The following MDGA1 variants were observed in gnomAD, a reference collection of about 807,000 sequenced individuals.
MDGA1 encodes the protein MAM domain-containing glycosylphosphatidylinositol anchor protein 1.
MDGA1 carries 54 observed loss-of-function variants against 101.5 expected under a neutral mutation model. The ratio of observed to expected loss-of-function variants is 0.53; its 90% CI spans 0.43 to 0.67. The LOEUF is 0.67. MDGA1 is among the 30% of genes least tolerant of loss of function. The pLI, the probability that MDGA1 is intolerant of heterozygous loss-of-function variation, is 0.00. For missense variants in MDGA1, 1,083 were observed against 1,323.8 expected (o/e 0.82, Z 2.82); for synonymous variants, 533 against 558.3 (o/e 0.95, Z 0.64).
chr6:37,655,945 TG>T lies in MDGA1; in HGVS notation c.383-50del. 4 of 1,515,622 alleles carry T rather than the reference TG, an allele frequency of 2.6e-6. No homozygotes were observed. Among genetic ancestry groups the T allele is most frequent in the East Asian group, 2.3e-5 (1 of 42,580 alleles). The allele number at this position is 1,515,622 out of a possible 1,614,324, so 93.9% of individuals were successfully genotyped here. ...AGTCAGGACTGGGTGACCCCAAGGT[TG>T]GGGGGCTCAGGCTCCTGGCAGCCCT... On this transcript the variant is annotated intron_variant, in intron 3 of 16. Transcript: ENST00000434837. The surrounding 1 kb of genome is among the most constrained non-coding windows in gnomAD (Gnocchi z 5.1).
intron 1 of MDGA1, among the ~76,000 whole-genome samples, chr6:37,676,073 T>C (rs1581620723): frequency 6.6e-6 from 1 of 152,318 alleles, no homozygotes; most frequent in Middle Eastern, 3.4e-3. Flanking sequence ...GCATAGTGCA[T>C]GCTGCCTAGT....
At chr6:37,670,355 T>C (rs1368161087) in intron 1 of MDGA1, among the ~76,000 whole-genome samples, 2 of 152,102 alleles carry the variant, frequency 1.3e-5, no homozygotes, top group African/African-American at 4.8e-5. Context: ...CGGGTAGGGA[T>C]GTTTCATGAA....
At chr6:37,684,102 G>C (rs1205135384) in intron 1 of MDGA1, among the ~76,000 whole-genome samples, 20 of 152,230 alleles carry the variant, frequency 1.3e-4, no homozygotes, top group Non-Finnish European at 1.5e-5. Context: ...CAACCAACCT[G>C]TGCCATCGGG....
rs749447942 is a variant in MDGA1 at position 37,655,659 on chromosome 6, CAGG to C, written c.579+38_579+40del. 107 of 1,496,048 alleles carry C rather than the reference CAGG, an allele frequency of 7.2e-5. No individual in the cohort carries two copies. The highest frequency in any genetic ancestry group is 9.0e-5 in the Non-Finnish European group (100 of 1,106,064). The allele number at this position is 1,496,048 out of a possible 1,614,324, so 92.7% of individuals were successfully genotyped here. On this transcript the variant is annotated intron_variant, in intron 4 of 16. Transcript: ENST00000434837. The surrounding 1 kb of genome is among the most constrained non-coding windows in gnomAD (Gnocchi z 5.1). ...CCATGCCCCCCTCCCCTGTTGGATG[CAGG>C]AGAAGTGGTATGGGGCGAGCCAGCT...
chr6:37,651,954 T>A lies in MDGA1; in HGVS notation c.1312+57A>T, dbSNP rs1025390271. ...AAGCCGTTGCCTCCCCACTACCTCC[T>A]GTCTGTGGGCCTCTCCACCCCCCTC... On this transcript the variant is annotated intron_variant, in intron 7 of 16. Coordinates refer to ENST00000434837, the MANE Select transcript of MDGA1 (RefSeq NM_153487.4). 19 of 1,403,474 alleles carry A rather than the reference T, an allele frequency of 1.4e-5. No homozygotes were observed. The East Asian group carries it at 2.7e-4, about 20-fold the overall frequency. 86.9% of individuals were successfully genotyped at this position (1,403,474 alleles called of 1,614,324 possible).
chr6:37,638,389 C>T lies in MDGA1; in HGVS notation c.2668-76G>A. The T allele has an allele frequency of 6.6e-7, 1 of 1,505,058 alleles. No individual in the cohort carries two copies. The highest frequency in any genetic ancestry group is 9.1e-7 in the Non-Finnish European group (1 of 1,103,896). The allele number at this position is 1,505,058 out of a possible 1,614,324, so 93.2% of individuals were successfully genotyped here. A position where few individuals can be genotyped will look rare whatever the true frequency, so the allele number is the denominator to read the frequency against. ...GTACCAGAGTGCTCCCTCGACCCCA[C>T]CTTTCCCCTTAATCTACCTGGAAGT... On this transcript the variant is annotated intron_variant, in intron 15 of 16. Coordinates refer to ENST00000434837, the MANE Select transcript of MDGA1 (RefSeq NM_153487.4). The surrounding 1 kb of genome is among the most constrained non-coding windows in gnomAD (Gnocchi z 4.8).
At chr6:37,659,890 C>T (rs577861708) in intron 2 of MDGA1, among the ~76,000 whole-genome samples, 14 of 152,096 alleles carry the variant, frequency 9.2e-5, no homozygotes, top group African/African-American at 3.1e-4. Context: ...ACATTTGATC[C>T]TTTTGTACTT....
In MDGA1 at chr6:37,658,433, CG is replaced by C. The variant is rs753176130; in HGVS notation, c.208-15del. On this transcript the variant is annotated splice_polypyrimidine_tract_variant and intron_variant, in intron 2 of 16. Coordinates refer to ENST00000434837, the MANE Select transcript of MDGA1 (RefSeq NM_153487.4). The stretch of plus-strand genomic sequence containing the variant: ...GGTCCACCGTACCTGGGCCGCCAGG[CG>C]GGGCAGAGTCAGACTGTCAGACTCA... The C allele has an allele frequency of 2.5e-6, 4 of 1,596,482 alleles. No homozygotes were observed. The highest frequency in any genetic ancestry group is 2.6e-6 in the Non-Finnish European group (3 of 1,171,318).
rs369639238 is a variant in MDGA1 at position 37,643,891 on chromosome 6, T to C, written c.2454A>G (p.Ala818=). ...CATTGTAGAGGGGACTCACTAACCT[T>C]GCACGGTCCCCCAGCTCCCGAGGCC... ...TSRPRELGDR[A]RLVSPLYNAS... is the part of the protein sequence containing the mutation. The change falls in exon 14 of 17, where the codon GCA becomes GCG. Residue 818 remains alanine, a synonymous_variant. Coordinates refer to ENST00000434837, the MANE Select transcript of MDGA1 (RefSeq NM_153487.4). 20 of 1,613,830 alleles carry C rather than the reference T, an allele frequency of 1.2e-5. No homozygotes were observed. The highest frequency in any genetic ancestry group is 1.6e-5 in the Non-Finnish European group (19 of 1,179,870).
chr6:37,664,081 A>C lies in MDGA1; in HGVS notation c.93T>G (p.His31Gln). Residue 31 changes from histidine to glutamine, a missense_variant, in exon 2 of 17, where the codon CAT (histidine) becomes CAG (glutamine). Transcript: ENST00000434837. ...VYAPAQAQIV[H>Q]AGQACVVKED... is the part of the protein sequence containing the mutation. Reference sequence around the variant, plus strand: ...CTTTCACCACACATGCCTGGCCCGCATGCACGATCTGCGCCTGGGCTGGAG... The same window carrying C: ...CTTTCACCACACATGCCTGGCCCGCCTGCACGATCTGCGCCTGGGCTGGAG... 6.2e-7 allele frequency: 1 copy of C among 1,613,854 alleles called. No homozygotes were observed. Among genetic ancestry groups the C allele is most frequent in the South Asian group, 1.1e-5 (1 of 91,068 alleles).
chr6:37,674,404 C>T (rs941206028), intron 1 of MDGA1, among the ~76,000 whole-genome samples: 2 of 152,222 alleles, frequency 1.3e-5, no homozygotes, highest in African/African-American at 4.8e-5. Context: ...GGGCCTTGTT[C>T]CATTTGCAGA....
chr6:37,685,043 T>A (rs1762170336), intron 1 of MDGA1, among the ~76,000 whole-genome samples: 1 of 152,178 alleles, frequency 6.6e-6, no homozygotes, highest in Admixed American at 6.5e-5. Context: ...GGCTCATACT[T>A]GTAATCTGAG....
Position 37,638,143 on chromosome 6 carries a change from G to A in MDGA1, c.2776+62C>T, listed in dbSNP as rs1480247078. The A allele has an allele frequency of 7.1e-7, 1 of 1,403,966 alleles. No individual in the cohort carries two copies. Among genetic ancestry groups the A allele is most frequent in the East Asian group, 2.3e-5 (1 of 43,504 alleles). 87.0% of individuals were successfully genotyped at this position (1,403,966 alleles called of 1,614,324 possible). Reference sequence around the variant, plus strand: ...CCAAACACCCTCCCTCAACAGACAGGAACCCCCGCCACGCACAGCTCCCTC... The same window carrying A: ...CCAAACACCCTCCCTCAACAGACAGAAACCCCCGCCACGCACAGCTCCCTC... On this transcript the variant is annotated intron_variant, in intron 16 of 16. Transcript: ENST00000434837. The surrounding 1 kb of genome is among the most constrained non-coding windows in gnomAD (Gnocchi z 4.8).
chr6:37,644,663 G>A lies in MDGA1; in HGVS notation c.2249-14C>T, dbSNP rs557919378. On this transcript the variant is annotated splice_polypyrimidine_tract_variant and intron_variant, in intron 12 of 16. Coordinates refer to ENST00000434837, the MANE Select transcript of MDGA1 (RefSeq NM_153487.4). Reference sequence around the variant, plus strand: ...GGCAGGTGTTGTCTGCATTTTATGGGGCGAATGAGACAAAGAGTCAGCCTC... The same window carrying A: ...GGCAGGTGTTGTCTGCATTTTATGGAGCGAATGAGACAAAGAGTCAGCCTC... 1.3e-6 allele frequency: 2 copies of A among 1,551,980 alleles called. No homozygotes were observed. The highest frequency in any genetic ancestry group is 1.2e-5 in the South Asian group (1 of 81,214).
chr6:37,691,512 C>A (rs1455180009), intron 1 of MDGA1, among the ~76,000 whole-genome samples: 3 of 152,206 alleles, frequency 2.0e-5, no homozygotes, highest in South Asian at 2.1e-4. Context: ...CCTGAAAAAA[C>A]CATGACCAAA....
intron 1 of MDGA1, among the ~76,000 whole-genome samples, chr6:37,690,340 C>T (rs1030245878): frequency 2.0e-5 from 3 of 152,362 alleles, no homozygotes; most frequent in Admixed American, 1.3e-4. Context: ...CTCCTTACAG[C>T]TTTGCAATGA....
At chr6:37,682,399 C>T (rs1762114925) in intron 1 of MDGA1, among the ~76,000 whole-genome samples, 1 of 152,110 alleles carries the variant, frequency 6.6e-6, no homozygotes, top group African/African-American at 2.4e-5. Flanking sequence ...AGGGAGAATC[C>T]CTTGAACCCA....
At chr6:37,685,447 G>A (rs1762178177) in intron 1 of MDGA1, among the ~76,000 whole-genome samples, 1 of 152,192 alleles carries the variant, frequency 6.6e-6, no homozygotes, top group Non-Finnish European at 1.5e-5. Context: ...CCAAAATGAA[G>A]GACCAGAGGC....
chr6:37,658,281 C>T lies in MDGA1; in HGVS notation c.346G>A (p.Val116Met), dbSNP rs757257201. The T allele has an allele frequency of 1.9e-6, 3 of 1,609,264 alleles. No homozygotes were observed. In the Admixed American group the frequency reaches 5.0e-5, roughly 27 times the overall value. Residue 116 changes from valine to methionine, a missense_variant, in exon 3 of 17, where the codon GTG becomes ATG. This residue lies in a region of MDGA1 where 310 missense variants were observed against 355.9 expected (regional missense o/e 0.87). Transcript: ENST00000434837. Reference sequence around the variant, plus strand: ...ACGCGGATGGACTTGATGGCCGGCACCCCCACGCCGTTCTCAGCCTTGCAG... The same window carrying T: ...ACGCGGATGGACTTGATGGCCGGCATCCCCACGCCGTTCTCAGCCTTGCAG... ...YYCKAENGVG[V>M]PAIKSIRVDV...
Sources: allele counts gnomAD v4.1 joint callset (sites outside exome capture counted in the v4.1 genomes callset), GRCh38; gene constraint gnomAD v4.1.1; regional missense constraint gnomAD v4.1.1; non-coding constraint Gnocchi (gnomAD v3.1); transcripts MANE v1.5; gene names NCBI Gene and HGNC (gene_info 2026-07-23, HGNC 2026-07-21).